CFAP20DC: variants seen among roughly 807,000 people sequenced by gnomAD.
CFAP20DC encodes the protein CFAP20 domain containing.
In CFAP20DC, 84 loss-of-function variants were observed where a neutral mutation model predicts 101.7. That is an observed-to-expected ratio of 0.83 (90% CI 0.69 to 0.99). The LOEUF (loss-of-function observed/expected upper bound fraction) is 0.99. Ranked by LOEUF, CFAP20DC falls within the 50% of genes least tolerant of loss-of-function variation. The probability of loss-of-function intolerance (pLI) is 0.00; values close to 1 mark genes in which losing one functional copy is unlikely to be tolerated. For synonymous variants in CFAP20DC, 359 were observed against 351.2 expected (o/e 1.02, Z -0.25); for missense variants, 1,007 against 970.3 (o/e 1.04, Z -0.50).
chr3:58,985,834 T>C (rs2092732244), intron 4 of CFAP20DC, among the ~76,000 whole-genome samples: 1 of 152,214 alleles, frequency 6.6e-6, no homozygotes, highest in Non-Finnish European at 1.5e-5. Flanking sequence ...TTATTCTATT[T>C]GATAGTCTAT....
intron 4 of CFAP20DC, among the ~76,000 whole-genome samples, chr3:58,965,739 T>G (rs1348610069): frequency 6.6e-6 from 1 of 152,212 alleles, no homozygotes; most frequent in East Asian, 1.9e-4. Context: ...TAAAATAATG[T>G]TTCTAAATGT....
At chr3:58,809,588 C>T (rs989377433) in intron 14 of CFAP20DC, among the ~76,000 whole-genome samples, 2 of 151,910 alleles carry the variant, frequency 1.3e-5, no homozygotes, top group Admixed American at 1.3e-4. Context: ...TAAATGCCCA[C>T]AAGAGAAAGC....
chr3:58,821,614 A>G (rs1268767928), intron 14 of CFAP20DC, among the ~76,000 whole-genome samples: 2 of 149,966 alleles, frequency 1.3e-5, no homozygotes, highest in African/African-American at 4.9e-5. Flanking sequence ...CACACCAGTT[A>G]GAATGGCAAT....
intron 16 of CFAP20DC, among the ~76,000 whole-genome samples, chr3:58,744,122 T>C (rs572924355): frequency 2.6e-5 from 4 of 152,344 alleles, no homozygotes; most frequent in Admixed American, 6.5e-5. Flanking sequence ...TAATACCTCA[T>C]TGGTAGAGCC....
At chr3:58,737,296 A>G, downstream of CFAP20DC, 1 of 455,122 alleles carries the variant, frequency 2.2e-6, no homozygotes, top group South Asian at 1.6e-5. The surrounding 1 kb of genome is among the most constrained non-coding windows in gnomAD (Gnocchi z 4.1). Context: ...CCCACTACCA[A>G]ATCTCTCTCA....
At chr3:58,980,164 C>G (rs1286318913) in intron 4 of CFAP20DC, among the ~76,000 whole-genome samples, 1 of 152,182 alleles carries the variant, frequency 6.6e-6, no homozygotes, top group Non-Finnish European at 1.5e-5. Flanking sequence ...CTTCCCACTA[C>G]CGAGCTTGAT....
chr3:58,811,307 C>G (rs1398524632), intron 14 of CFAP20DC, among the ~76,000 whole-genome samples: 1 of 152,126 alleles, frequency 6.6e-6, no homozygotes, highest in African/African-American at 2.4e-5. Flanking sequence ...GCAAAGTATA[C>G]TACAAGGCTA....
At position 58,861,319 on chromosome 3, in the gene CFAP20DC, G is replaced by T. The variant is rs1347638964; in HGVS notation, c.1593+2239C>A. ...ACTTGTCCACCATTATTTACAACTT[G>T]ACATTATGTTTTCCTGAAGTATAAT... On this transcript the variant is annotated intron_variant, in intron 12 of 16. Coordinates refer to ENST00000482387, the MANE Select transcript of CFAP20DC (RefSeq NM_001394063.1). The surrounding 1 kb of genome is among the most constrained non-coding windows in gnomAD (Gnocchi z 4.0). The T allele has an allele frequency of 1.4e-6, 1 of 727,082 alleles. No homozygotes were observed. Among genetic ancestry groups the T allele is most frequent in the African/African-American group, 1.9e-5 (1 of 52,062 alleles). 45.0% of individuals were successfully genotyped at this position (727,082 alleles called of 1,614,324 possible). A position where few individuals can be genotyped will look rare whatever the true frequency, so the allele number is the denominator to read the frequency against.
intron 12 of CFAP20DC, among the ~76,000 whole-genome samples, chr3:58,856,761 C>G (rs1298343301): frequency 1.3e-5 from 2 of 152,116 alleles, no homozygotes; most frequent in Non-Finnish European, 2.9e-5. Context: ...AAACATTCCC[C>G]AAGTCCTAGT....
chr3:58,950,896 C>A (rs992164198), intron 4 of CFAP20DC, among the ~76,000 whole-genome samples: 1 of 152,112 alleles, frequency 6.6e-6, no homozygotes, highest in African/African-American at 2.4e-5. Flanking sequence ...GCAACAAAAG[C>A]CAAAATTGAC....
At chr3:58,822,546 C>G (rs529017493) in intron 14 of CFAP20DC, among the ~76,000 whole-genome samples, 2 of 151,332 alleles carry the variant, frequency 1.3e-5, no homozygotes, top group East Asian at 1.9e-4. Flanking sequence ...ATGTAACTAA[C>G]CTGCACAATG....
At chr3:59,019,368 G>A (rs1037352295) in intron 4 of CFAP20DC, among the ~76,000 whole-genome samples, 2 of 151,792 alleles carry the variant, frequency 1.3e-5, no homozygotes, top group Non-Finnish European at 2.9e-5. Context: ...GGTGACGCAC[G>A]AGTTCTGGCC....
chr3:58,742,839 G>A (rs2067954433), intron 16 of CFAP20DC, among the ~76,000 whole-genome samples: 1 of 152,146 alleles, frequency 6.6e-6, no homozygotes, highest in Non-Finnish European at 1.5e-5. Context: ...GGAGGGGAAG[G>A]AAGAAAGGGA....
At chr3:58,743,746 C>T (rs1324508420) in intron 16 of CFAP20DC, among the ~76,000 whole-genome samples, 4 of 152,136 alleles carry the variant, frequency 2.6e-5, no homozygotes, top group Non-Finnish European at 5.9e-5. Context: ...TTGTGGGGTT[C>T]CATCTTACTC....
chr3:58,820,373 T>C (rs2075542502), intron 14 of CFAP20DC, among the ~76,000 whole-genome samples: 2 of 150,706 alleles, frequency 1.3e-5, no homozygotes, highest in African/African-American at 2.5e-5. Flanking sequence ...GCAGACGACA[T>C]GATTGTATAT....
At chr3:58,856,804 G>GT (rs1299694698) in intron 12 of CFAP20DC, among the ~76,000 whole-genome samples, 2 of 152,114 alleles carry the variant, frequency 1.3e-5, no homozygotes, top group Non-Finnish European at 2.9e-5. Flanking sequence ...TAGCATAGAT[G>GT]TTTTTTAATT....
Position 58,861,994 on chromosome 3 carries a change from A to G in CFAP20DC, c.1593+1564T>C. ...AAGCATTAAGTGATATCAAATTAAA[A>G]TATTCAGAGCTAGTATTCTTCATTT... On this transcript the variant is annotated intron_variant, in intron 12 of 16. Coordinates refer to ENST00000482387, the MANE Select transcript of CFAP20DC (RefSeq NM_001394063.1). This position sits in a 1 kb window ranked among gnomAD's most constrained non-coding sequence, Gnocchi z 4.0. The G allele has an allele frequency of 2.0e-6, 2 of 985,398 alleles. No homozygotes were observed. The highest frequency in any genetic ancestry group is 9.4e-5 in the South Asian group (2 of 21,292). The allele number at this position is 985,398 out of a possible 1,614,324, so 61.0% of individuals were successfully genotyped here. A position where few individuals can be genotyped will look rare whatever the true frequency, so the allele number is the denominator to read the frequency against.
At chr3:59,035,040 A>C (rs2094071054) in intron 4 of CFAP20DC, among the ~76,000 whole-genome samples, 1 of 152,212 alleles carries the variant, frequency 6.6e-6, no homozygotes, top group South Asian at 2.1e-4. Flanking sequence ...TAAGAAACTC[A>C]CTCAAAACCC....
intron 4 of CFAP20DC, among the ~76,000 whole-genome samples, chr3:59,010,155 A>AG (rs1385991984): frequency 6.6e-6 from 1 of 152,120 alleles, no homozygotes; most frequent in African/African-American, 2.4e-5. Flanking sequence ...ATGAAAAAAA[A>AG]CAAGGTCTTT....
Sources: allele counts gnomAD v4.1 joint callset (sites outside exome capture counted in the v4.1 genomes callset), GRCh38; gene constraint gnomAD v4.1.1; non-coding constraint Gnocchi (gnomAD v3.1); transcripts MANE v1.5; gene names NCBI Gene and HGNC (gene_info 2026-07-23, HGNC 2026-07-21).